Variants in CEP295 observed in about 807,000 individuals in gnomAD.
CEP295 encodes the protein centrosomal protein of 295 kDa.
Under a neutral mutation model 291.6 loss-of-function variants are expected in CEP295, and 190 were observed. That is an observed-to-expected ratio of 0.65 (90% CI 0.58 to 0.73). The LOEUF (loss-of-function observed/expected upper bound fraction) is 0.73, where lower values mean the gene tolerates loss of function less well. CEP295 is among the 30% of genes least tolerant of loss of function. The pLI, the probability that CEP295 is intolerant of heterozygous loss-of-function variation, is 0.00. For synonymous variants in CEP295, 993 were observed against 1,038.8 expected (o/e 0.96, Z 0.85); for missense variants, 2,863 against 2,949.4 (o/e 0.97, Z 0.68).
chr11:93,695,774 G>A, intron 13 of CEP295, 140 bp downstream of exon 13: 1 of 910,674 alleles, frequency 1.1e-6, no homozygotes, highest in Non-Finnish European at 1.5e-6. Flanking sequence ...ACTTTGGGTG[G>A]CCGAGACAGG....
chr11:93,674,561 C>T (rs1340275570), intron 5 of CEP295, among the ~76,000 whole-genome samples: 1 of 152,222 alleles, frequency 6.6e-6, no homozygotes, highest in East Asian at 1.9e-4. Flanking sequence ...ATTAAAAGTG[C>T]TTTTTATACA....
chr11:93,730,056 A>G lies in CEP295; in HGVS notation c.7675A>G (p.Asn2559Asp). The G allele has an allele frequency of 6.5e-7, 1 of 1,549,008 alleles. No individual in the cohort carries two copies. The highest frequency in any genetic ancestry group is 8.7e-7 in the Non-Finnish European group (1 of 1,145,894). ...LRHQRGLRLY[N>D]QLAEVKQQKE... The stretch of plus-strand genomic sequence containing the variant: ...TATATAAATTCTTTACAGGTTATAC[A>G]ATCAACTAGCTGAAGTGAAACAACA... The change falls in exon 29 of 30, where the codon AAT becomes GAT. Residue 2559 changes from asparagine to aspartate, a missense_variant. By Grantham distance (23) the Asn-to-Asp change is conservative. This residue lies in a region of CEP295 where 2,295 missense variants were observed against 2,335.7 expected (regional missense o/e 0.98). Coordinates refer to ENST00000325212, the MANE Select transcript of CEP295 (RefSeq NM_033395.2).
chr11:93,697,629 AT>A lies in CEP295; in HGVS notation c.2720del (p.Leu907TrpfsTer22). The A allele has an allele frequency of 6.4e-7, 1 of 1,551,880 alleles. No homozygotes were observed. The highest frequency in any genetic ancestry group is 8.7e-7 in the Non-Finnish European group (1 of 1,147,016). On this transcript the variant is annotated frameshift_variant, in exon 15 of 30. Coordinates refer to ENST00000325212, the MANE Select transcript of CEP295 (RefSeq NM_033395.2). LOFTEE classifies it high-confidence loss of function. ...GCTTTATTGCCTTCTGCCAAAGCAGATTTGGGGAGAATCCAGGAATCTTCAC... is the reference window on the plus strand; with the variant it reads ...GCTTTATTGCCTTCTGCCAAAGCAGATTGGGGAGAATCCAGGAATCTTCAC... ...SSALLPSAKADLGRIQESSPT... is the reference protein window; with the variant it reads ...SSALLPSAKAXLGRIQESSPT...
chr11:93,718,965 G>A (rs1413639454), intron 18 of CEP295, among the ~76,000 whole-genome samples: 1 of 151,998 alleles, frequency 6.6e-6, no homozygotes, highest in Non-Finnish European at 1.5e-5. Flanking sequence ...AAAATTAGCC[G>A]GGCTTGGTGG....
chr11:93,728,750 A>T lies in CEP295; in HGVS notation c.7231A>T (p.Ile2411Phe). Reference sequence around the variant, plus strand: ...TTTAATAAGCACCACTGATACCAGTATTGCTGAAATGGATTTTGCAAATTT... The same window carrying T: ...TTTAATAAGCACCACTGATACCAGTTTTGCTGAAATGGATTTTGCAAATTT... ...LTLISTTDTSIAEMDFANLTL... is the reference protein window; with the variant it reads ...LTLISTTDTSFAEMDFANLTL... The change falls in exon 25 of 30, where the codon ATT (isoleucine) becomes TTT (phenylalanine). Residue 2411 changes from isoleucine (I) to phenylalanine (F), a missense_variant. Ile to Phe is a conservative substitution (Grantham distance 21). Around this residue, in one of 3 missense-constraint regions of CEP295, gnomAD observed 2,295 missense variants for 2,335.7 expected, o/e 0.98. Coordinates refer to ENST00000325212, the MANE Select transcript of CEP295 (RefSeq NM_033395.2). 1 of 1,550,514 alleles carries T rather than the reference A, an allele frequency of 6.4e-7. No homozygotes were observed. The highest frequency in any genetic ancestry group is 8.7e-7 in the Non-Finnish European group (1 of 1,146,314).
chr11:93,728,723 ACTTT>A lies in CEP295; in HGVS notation c.7205_7208del (p.Thr2402LysfsTer2). On this transcript the variant is annotated frameshift_variant, in exon 25 of 30. Transcript: ENST00000325212. LOFTEE classifies it high-confidence loss of function. ...TGGTATAATGGAAGAACCAGAACTT[ACTTT>A]AATAAGCACCACTGATACCAGTATT... 6.5e-7 allele frequency: 1 copy of A among 1,549,846 alleles called. No individual in the cohort carries two copies. The highest frequency in any genetic ancestry group is 8.7e-7 in the Non-Finnish European group (1 of 1,146,436).
intron 12 of CEP295, among the ~76,000 whole-genome samples, chr11:93,692,888 G>A (rs1951639347): frequency 8.0e-6 from 1 of 125,618 alleles, no homozygotes; most frequent in African/African-American, 2.9e-5. Context: ...TGGGAGGATT[G>A]CTTGAACCCA....
rs968181558 is a variant in CEP295 at position 93,729,718 on chromosome 11, A to T, written c.7504A>T (p.Arg2502Trp). 2.6e-6 allele frequency: 4 copies of T among 1,549,916 alleles called. No homozygotes were observed. The African/African-American group carries it at 5.5e-5, about 21-fold the overall frequency. The stretch of plus-strand genomic sequence containing the variant: ...ATCCCACCAGAGGCAGAAAGAAATA[A>T]GGAATAAAATTCATGTCTCTGAAAA... ...ERSHQRQKEI[R>W]NKIHVSENSQ... is the part of the protein sequence containing the mutation. Residue 2502 changes from arginine (R) to tryptophan (W), a missense_variant, in exon 27 of 30, where the codon AGG becomes TGG. Arg to Trp is a moderately radical substitution (Grantham distance 101, BLOSUM62 -3). Transcript: ENST00000325212.
At position 93,666,650 on chromosome 11, in the gene CEP295, A is replaced by AT. The variant is rs147281645; in HGVS notation, c.-26-27dup. 4,444 of 823,892 alleles carry AT rather than the reference A, an allele frequency of 5.4e-3. 137 individuals carry two copies. In the African/African-American group the frequency reaches 0.069, roughly 13 times the overall value. The allele number at this position is 823,892 out of a possible 1,614,324, so 51.0% of individuals were successfully genotyped here. ...TGCTGCCCTATTTTAATGTTACATTATTTTTATAGACATTTTCCTTTTTGA... is the reference window on the plus strand; with the variant it reads ...TGCTGCCCTATTTTAATGTTACATTATTTTTTATAGACATTTTCCTTTTTGA... On this transcript the variant is annotated intron_variant, in intron 1 of 29. Transcript: ENST00000325212.
At chr11:93,718,911 C>A (rs1195986391) in intron 18 of CEP295, among the ~76,000 whole-genome samples, 1 of 152,176 alleles carries the variant, frequency 6.6e-6, no homozygotes, top group Admixed American at 6.5e-5. Context: ...GAATTCGAGA[C>A]CAGCCTGGCC....
Position 93,702,842 on chromosome 11 carries a change from G to A in CEP295, c.5519G>A (p.Gly1840Asp), listed in dbSNP as rs1195123727. Residue 1840 changes from glycine (G) to aspartate (D), a missense_variant, in exon 17 of 30, where the codon GGT becomes GAT. Physicochemically the swap from Gly to Asp is moderately conservative, Grantham distance 94. This residue lies in a region of CEP295 where 2,295 missense variants were observed against 2,335.7 expected (regional missense o/e 0.98). Transcript: ENST00000325212. ...CCACCTGTAGCAAAAGTCAAATGTG[G>A]TTTGGACTTAAACCAGCATGAACTT... ...SKPPVAKVKC[G>D]LDLNQHELSA... 2 of 1,551,712 alleles carry A rather than the reference G, an allele frequency of 1.3e-6. No homozygotes were observed. The highest frequency in any genetic ancestry group is 1.4e-5 in the African/African-American group (1 of 73,044).
At chr11:93,729,830 G>T in intron 27 of CEP295, 40 bp from the exon 28 acceptor site, 1 of 1,538,684 alleles carries the variant, frequency 6.5e-7, no homozygotes. Context: ...AATGTTTAAA[G>T]CCTTGTGTTT....
chr11:93,695,458 A>G, intron 12 of CEP295, 39 bp from the exon 13 acceptor site: 1 of 1,302,646 alleles, frequency 7.7e-7, no homozygotes, highest in Middle Eastern at 2.4e-4. Context: ...CCTTTGTATG[A>G]GTTTGTTGTT....
rs186239797 is a variant in CEP295, at chr11:93,722,959, C to G, written c.5948-82C>G. On this transcript the variant is annotated intron_variant, in intron 20 of 29. Transcript: ENST00000325212. ...TCTTGACCTCGTGATCCACCCACCT[C>G]GGCCTCCCAAAGTGCTGGTATTACA... 1.3e-5 allele frequency: 15 copies of G among 1,113,326 alleles called. No homozygotes were observed. The African/African-American group carries it at 1.6e-4, about 12-fold the overall frequency. The allele number at this position is 1,113,326 out of a possible 1,614,324, so 69.0% of individuals were successfully genotyped here. A position where few individuals can be genotyped will look rare whatever the true frequency, so the allele number is the denominator to read the frequency against.
intron 5 of CEP295, 135 bp from the exon 6 acceptor site, chr11:93,675,436 T>G (rs1950640351): frequency 2.2e-6 from 1 of 452,296 alleles, no homozygotes; most frequent in Non-Finnish European, 3.9e-6. Flanking sequence ...AAATTTGATT[T>G]CATTATGAGC....
chr11:93,701,884 G>A (rs1277517425), intron 15 of CEP295, among the ~76,000 whole-genome samples: 1 of 152,186 alleles, frequency 6.6e-6, no homozygotes, highest in Admixed American at 6.5e-5. Context: ...TTACAGGCGT[G>A]AGCCACTGCA....
intron 17 of CEP295, among the ~76,000 whole-genome samples, chr11:93,706,323 C>T (rs1202708545): frequency 6.6e-6 from 1 of 152,130 alleles, no homozygotes; most frequent in South Asian, 2.1e-4. Context: ...TAAACACCAC[C>T]AGGTCAAGAA....
In CEP295 at chr11:93,728,805, C is replaced by G. The variant is rs1156554265; in HGVS notation, c.7286C>G (p.Ala2429Gly). The stretch of plus-strand genomic sequence containing the variant: ...CTAGAAGAGAAGAGCGAGAATGAAG[C>G]AAAATGCTTCTTTCAGGTAAATTTA... ...LTLEEKSENE[A>G]KCFFQVSEFL... The change falls in exon 25 of 30, where the codon GCA (alanine) becomes GGA (glycine). Residue 2429 changes from alanine to glycine, a missense_variant. This residue lies in a region of CEP295 where 2,295 missense variants were observed against 2,335.7 expected (regional missense o/e 0.98). Coordinates refer to ENST00000325212, the MANE Select transcript of CEP295 (RefSeq NM_033395.2). 1 of 1,538,910 alleles carries G rather than the reference C, an allele frequency of 6.5e-7. No homozygotes were observed. The highest frequency in any genetic ancestry group is 8.7e-7 in the Non-Finnish European group (1 of 1,143,980).
chr11:93,669,845 T>A, intron 5 of CEP295, 75 bp downstream of exon 5: 1 of 916,158 alleles, frequency 1.1e-6, no homozygotes, highest in Non-Finnish European at 1.7e-6. Context: ...TCAGAATGAC[T>A]ATCACTTAAA....
Sources: allele counts gnomAD v4.1 joint callset (sites outside exome capture counted in the v4.1 genomes callset), GRCh38; gene constraint gnomAD v4.1.1; regional missense constraint gnomAD v4.1.1; transcripts MANE v1.5; gene names NCBI Gene and HGNC (gene_info 2026-07-23, HGNC 2026-07-21).